The following GMIP variants were observed in gnomAD, a reference collection of about 807,000 sequenced individuals.
GMIP encodes the protein GEM interacting protein.
GMIP carries 54 observed loss-of-function variants against 105.3 expected under a neutral mutation model. That is an observed-to-expected ratio of 0.51 (90% CI 0.41 to 0.64). The LOEUF (loss-of-function observed/expected upper bound fraction) is 0.64, where lower values mean the gene tolerates loss of function less well. Among genes scored for constraint, GMIP ranks in the 30% least tolerant of loss-of-function variants. The pLI is 0.00. For synonymous variants in GMIP, 541 were observed against 560.8 expected (o/e 0.96, Z 0.50); for missense variants, 1,110 against 1,319.4 (o/e 0.84, Z 2.46).
rs1267181169 is a variant in GMIP at position 19,630,884 on chromosome 19, TG to T, written c.2473-348del. Among the ~76,000 whole-genome samples, 4 of 152,148 alleles carry T rather than the reference TG, an allele frequency of 2.6e-5. No homozygotes were observed. The highest frequency in any genetic ancestry group is 9.7e-5 in the African/African-American group (4 of 41,418). ...TGTCATCCTTTGCAGTTTTGGTGTT[TG>T]GGGATAGACGATGCCCTTATAAGTG... On this transcript the variant is annotated intron_variant, in intron 19 of 20. Coordinates refer to ENST00000203556, the MANE Select transcript of GMIP (RefSeq NM_016573.4). The surrounding 1 kb of genome is among the most constrained non-coding windows in gnomAD (Gnocchi z 4.8).
At position 19,630,476 on chromosome 19, in the gene GMIP, C is replaced by T. The variant is rs754387361; in HGVS notation, c.2534G>A (p.Gly845Glu). The change falls in exon 20 of 21, where the codon GGG (glycine) becomes GAG (glutamate). Residue 845 changes from glycine to glutamate, a missense_variant. This residue lies in a region of GMIP where 394 missense variants were observed against 450.5 expected (regional missense o/e 0.87). Transcript: ENST00000203556. This position sits in a 1 kb window ranked among gnomAD's most constrained non-coding sequence, Gnocchi z 4.8. ...DVAEDTKDGG[G>E]EVSSQGPEDS... ...CCTCTCTCTAACATACTCACCTTCCCCTCCCCCATCTTTGGTGTCTTCAGC... is the reference window on the plus strand; with the variant it reads ...CCTCTCTCTAACATACTCACCTTCCTCTCCCCCATCTTTGGTGTCTTCAGC... 1.2e-6 allele frequency: 2 copies of T among 1,613,744 alleles called. No individual in the cohort carries two copies. The highest frequency in any genetic ancestry group is 1.7e-6 in the Non-Finnish European group (2 of 1,179,778).
At chr19:19,633,525 C>T (rs1003805202) in intron 19 of GMIP, among the ~76,000 whole-genome samples, 4 of 152,158 alleles carry the variant, frequency 2.6e-5, no homozygotes, top group African/African-American at 4.8e-5. Context: ...GCAATGCCTA[C>T]GACAATGCTT....
chr19:19,642,384 G>A (rs755417928), intron 2 of GMIP, 151 bp downstream of exon 2: 6 of 636,904 alleles, frequency 9.4e-6, no homozygotes, highest in Non-Finnish European at 1.7e-5. Flanking sequence ...GGATACCGAG[G>A]CATTTTGGAG....
Position 19,629,901 on chromosome 19 carries a change from T to A in GMIP, c.*62A>T. On this transcript the variant is annotated 3_prime_UTR_variant, in exon 21 of 21. Coordinates refer to ENST00000203556, the MANE Select transcript of GMIP (RefSeq NM_016573.4). ...TGTTTGGCCACTAGGTGGTGGGAGG[T>A]AGGGATATATGGGTCCGTCTTCACA... The A allele has an allele frequency of 6.7e-7, 1 of 1,493,898 alleles. No individual in the cohort carries two copies. Among genetic ancestry groups the A allele is most frequent in the Non-Finnish European group, 9.0e-7 (1 of 1,106,876 alleles). The allele number at this position is 1,493,898 out of a possible 1,614,324, so 92.5% of individuals were successfully genotyped here.
chr19:19,642,814 T>C (rs2061937339), intron 1 of GMIP, among the ~76,000 whole-genome samples, 195 bp from the exon 2 acceptor site: 1 of 152,046 alleles, frequency 6.6e-6, no homozygotes, highest in South Asian at 2.1e-4. Flanking sequence ...CAGAGACAGC[T>C]GCTCGGGGAA....
intron 13 of GMIP, among the ~76,000 whole-genome samples, chr19:19,636,341 G>A (rs1451424820): frequency 2.0e-5 from 3 of 151,874 alleles, no homozygotes; most frequent in Non-Finnish European, 4.4e-5. Context: ...TGGCCAACAT[G>A]GTGAAACCCC....
chr19:19,631,030 G>A (rs1401519445), intron 19 of GMIP, among the ~76,000 whole-genome samples: 1 of 151,998 alleles, frequency 6.6e-6, no homozygotes, highest in African/African-American at 2.4e-5. Flanking sequence ...GTGAAACTCC[G>A]TCTCTACTAG....
chr19:19,640,207 G>A lies in GMIP; in HGVS notation c.430-15C>T. The A allele has an allele frequency of 6.3e-7, 1 of 1,597,384 alleles. No individual in the cohort carries two copies. The highest frequency in any genetic ancestry group is 8.6e-7 in the Non-Finnish European group (1 of 1,165,088). On this transcript the variant is annotated splice_polypyrimidine_tract_variant and intron_variant, in intron 6 of 20. Coordinates refer to ENST00000203556, the MANE Select transcript of GMIP (RefSeq NM_016573.4). ...GGCATGTGGCTCTGGGGAAGACAGA[G>A]TGGTGTAGGAGGATACTGAAGATCT... is the stretch of plus-strand genomic sequence containing the variant.
chr19:19,637,810 G>A lies in GMIP; in HGVS notation c.927+110C>T, dbSNP rs2061871682. The stretch of plus-strand genomic sequence containing the variant: ...CTGGGGGCGGGAACTGGCTGTCGAG[G>A]GAAATGGCCTAGTCCTGGTGTCTCC... On this transcript the variant is annotated intron_variant, in intron 10 of 20. Transcript: ENST00000203556. The surrounding 1 kb of genome is among the most constrained non-coding windows in gnomAD (Gnocchi z 6.7). The A allele has an allele frequency of 1.2e-5, 15 of 1,221,742 alleles. No individual in the cohort carries two copies. The highest frequency in any genetic ancestry group is 4.8e-5 in the East Asian group (2 of 41,366). The allele number at this position is 1,221,742 out of a possible 1,614,324, so 75.7% of individuals were successfully genotyped here. A position where few individuals can be genotyped will look rare whatever the true frequency, so the allele number is the denominator to read the frequency against.
At position 19,629,715 on chromosome 19, in the gene GMIP, A is replaced by T; in HGVS notation, c.*248T>A. On this transcript the variant is annotated 3_prime_UTR_variant, in exon 21 of 21. Coordinates refer to ENST00000203556, the MANE Select transcript of GMIP (RefSeq NM_016573.4). ...GAGTATTGACCCTGAGTGACCTCTG[A>T]GCCCGAGTGGCCCTGATGCTTGGCA... is the stretch of plus-strand genomic sequence containing the variant. 1 of 540,798 alleles carries T rather than the reference A, an allele frequency of 1.8e-6. No individual in the cohort carries two copies. Among genetic ancestry groups the T allele is most frequent in the East Asian group, 3.2e-5 (1 of 30,976 alleles). The allele number at this position is 540,798 out of a possible 1,614,324, so 33.5% of individuals were successfully genotyped here.
At chr19:19,642,723 A>G (rs1293168401) in intron 1 of GMIP, 104 bp from the exon 2 acceptor site, 2 of 536,714 alleles carry the variant, frequency 3.7e-6, no homozygotes, top group Non-Finnish European at 6.9e-6. Context: ...GGGAAGAGTG[A>G]GAGAGAGAAA....
At chr19:19,638,778 CTTTTT>C (rs554304896) in intron 7 of GMIP, among the ~76,000 whole-genome samples, 3 of 132,272 alleles carry the variant, frequency 2.3e-5, no homozygotes, top group Non-Finnish European at 1.7e-5. Context: ...ACAATTTCTT[CTTTTT>C]TTTTTTTTTT....
rs1253377087 is a variant in GMIP, at chr19:19,643,608, TGCCGCCGCAGCCGCC to T, written c.-94_-80del. 9 of 1,320,246 alleles carry T rather than the reference TGCCGCCGCAGCCGCC, an allele frequency of 6.8e-6. No individual in the cohort carries two copies. The highest frequency in any genetic ancestry group is 9.3e-6 in the Non-Finnish European group (9 of 966,560). The allele number at this position is 1,320,246 out of a possible 1,614,324, so 81.8% of individuals were successfully genotyped here. A position where few individuals can be genotyped will look rare whatever the true frequency, so the allele number is the denominator to read the frequency against. On this transcript the variant is annotated 5_prime_UTR_variant, in exon 1 of 21. Coordinates refer to ENST00000203556, the MANE Select transcript of GMIP (RefSeq NM_016573.4). ...CCGGCGGGGCCGAGCCCCGATTTCCTGCCGCCGCAGCCGCCGCCGCCGCCTCGGTTCCGCGTCGCC... is the reference window on the plus strand; with the variant it reads ...CCGGCGGGGCCGAGCCCCGATTTCCTGCCGCCGCCTCGGTTCCGCGTCGCC...
Position 19,642,639 on chromosome 19 carries a change from T to A in GMIP, c.20-20A>T. ...GGAGTCCTAGGGGAGGGGAGTGTAA[T>A]ACATGGGCTAACCACTGCCTCCCTC... On this transcript the variant is annotated intron_variant, in intron 1 of 20. Transcript: ENST00000203556. 1 of 1,369,996 alleles carries A rather than the reference T, an allele frequency of 7.3e-7. No individual in the cohort carries two copies. Among genetic ancestry groups the A allele is most frequent in the South Asian group, 1.2e-5 (1 of 83,886 alleles). The allele number at this position is 1,369,996 out of a possible 1,614,324, so 84.9% of individuals were successfully genotyped here. A position where few individuals can be genotyped will look rare whatever the true frequency, so the allele number is the denominator to read the frequency against.
At position 19,637,479 on chromosome 19, in the gene GMIP, G is replaced by A. The variant is rs1268728866; in HGVS notation, c.1010C>T (p.Ala337Val). 22 of 1,539,584 alleles carry A rather than the reference G, an allele frequency of 1.4e-5. No homozygotes were observed. The highest frequency in any genetic ancestry group is 1.8e-5 in the Non-Finnish European group (21 of 1,143,518). ...RAFAALAECC[A>V]PFEPGQRYQE... ...GTAGCGCTGGCCCGGCTCAAAGGGCGCACAGCACTCGGCCAGGGCGGCGAA... is the reference window on the plus strand; with the variant it reads ...GTAGCGCTGGCCCGGCTCAAAGGGCACACAGCACTCGGCCAGGGCGGCGAA... The change falls in exon 11 of 21, where the codon GCG becomes GTG. Residue 337 changes from alanine to valine, a missense_variant. This residue lies in a region of GMIP where 667 missense variants were observed against 773.2 expected (regional missense o/e 0.86). Coordinates refer to ENST00000203556, the MANE Select transcript of GMIP (RefSeq NM_016573.4). This position sits in a 1 kb window ranked among gnomAD's most constrained non-coding sequence, Gnocchi z 6.7.
rs147406090 is a variant in GMIP, at chr19:19,642,025, G to C, written c.131C>G (p.Pro44Arg). 1.9e-5 allele frequency: 30 copies of C among 1,613,476 alleles called. No individual in the cohort carries two copies. Among genetic ancestry groups the C allele is most frequent in the African/African-American group, 2.7e-5 (2 of 74,914 alleles). Residue 44 changes from proline (P) to arginine (R), a missense_variant, in exon 3 of 21, where the codon CCT (proline) becomes CGT (arginine). By Grantham distance (103) the Pro-to-Arg change is moderately radical. Around this residue, in one of 3 missense-constraint regions of GMIP, gnomAD observed 667 missense variants for 773.2 expected, o/e 0.86. Coordinates refer to ENST00000203556, the MANE Select transcript of GMIP (RefSeq NM_016573.4). ...AGGTTCTGGGTCTTCTGAGAGTAGAGGGTCTCCAGCCAGCATCTCAAGGGT... is the reference window on the plus strand; with the variant it reads ...AGGTTCTGGGTCTTCTGAGAGTAGACGGTCTCCAGCCAGCATCTCAAGGGT... ...NVTLEMLAGD[P>R]LLSEDPEPDK...
Position 19,637,271 on chromosome 19 carries a change from G to C in GMIP, c.1124+94C>G. On this transcript the variant is annotated intron_variant, in intron 11 of 20. Transcript: ENST00000203556. The surrounding 1 kb of genome is among the most constrained non-coding windows in gnomAD (Gnocchi z 6.7). ...GAGTACTAAATTCCACTAAGGCTTTGCGTTCTCTAACCTCGAGTAACCAGC... is the reference window on the plus strand; with the variant it reads ...GAGTACTAAATTCCACTAAGGCTTTCCGTTCTCTAACCTCGAGTAACCAGC... 3.3e-6 allele frequency: 3 copies of C among 907,946 alleles called. No homozygotes were observed. In the South Asian group the frequency reaches 5.1e-5, roughly 15 times the overall value. 56.2% of individuals were successfully genotyped at this position (907,946 alleles called of 1,614,324 possible). A position where few individuals can be genotyped will look rare whatever the true frequency, so the allele number is the denominator to read the frequency against.
rs1000299919 is a variant in GMIP, at chr19:19,643,617, A to AGCCGCCGCC, written c.-97_-89dup. The AGCCGCCGCC allele has an allele frequency of 2.5e-6, 3 of 1,205,982 alleles. No homozygotes were observed. Among genetic ancestry groups the AGCCGCCGCC allele is most frequent in the Non-Finnish European group, 3.5e-6 (3 of 866,344 alleles). 74.7% of individuals were successfully genotyped at this position (1,205,982 alleles called of 1,614,324 possible). ...CCGAGCCCCGATTTCCTGCCGCCGC[A>AGCCGCCGCC]GCCGCCGCCGCCGCCTCGGTTCCGC... On this transcript the variant is annotated 5_prime_UTR_variant, in exon 1 of 21. Coordinates refer to ENST00000203556, the MANE Select transcript of GMIP (RefSeq NM_016573.4).
intron 7 of GMIP, among the ~76,000 whole-genome samples, chr19:19,639,356 C>T (rs1053115563): frequency 3.3e-5 from 5 of 151,354 alleles, no homozygotes; most frequent in East Asian, 2.0e-4. Context: ...GCTGGGATTA[C>T]AGGCATGAGC....
Sources: gnomAD v4.1 joint callset for allele counts (sites outside exome capture counted in the v4.1 genomes callset) on GRCh38, gnomAD v4.1.1 for gene constraint, gnomAD v4.1.1 regional missense constraint, Gnocchi (gnomAD v3.1) non-coding constraint, MANE v1.5 for transcripts, NCBI Gene and HGNC (gene_info 2026-07-23, HGNC 2026-07-21) for gene names.